PTPRG: variants seen among roughly 807,000 people sequenced by gnomAD.
The protein encoded by PTPRG is receptor-type tyrosine-protein phosphatase gamma.
A neutral mutation model predicts 165.3 loss-of-function variants in PTPRG; 102 were observed. That is an observed-to-expected ratio of 0.62 (90% confidence interval 0.53 to 0.73). The LOEUF (loss-of-function observed/expected upper bound fraction) is 0.73, where lower values mean the gene tolerates loss of function less well. Ranked by LOEUF, PTPRG falls within the 30% of genes least tolerant of loss-of-function variation. PTPRG has a pLI of 0.00. For missense variants in PTPRG, 1,866 were observed against 1,861.4 expected (o/e 1.00, Z -0.05); for synonymous variants, 675 against 669.5 (o/e 1.01, Z -0.13).
intron 6 of PTPRG, among the ~76,000 whole-genome samples, chr3:62,139,562 C>T (rs138486346): frequency 6.6e-6 from 1 of 152,190 alleles, no homozygotes; most frequent in African/African-American, 2.4e-5. Flanking sequence ...TCTTCCCTTC[C>T]CTGGCTCTTC....
At chr3:62,140,938 ATCTT>A (rs1231579000) in intron 6 of PTPRG, among the ~76,000 whole-genome samples, 1 of 151,964 alleles carries the variant, frequency 6.6e-6, no homozygotes, top group Non-Finnish European at 1.5e-5. Flanking sequence ...GGTAATAAAA[ATCTT>A]TCTCTATCTT....
Position 62,180,325 on chromosome 3 carries a change from A to G in PTPRG, c.1034-11144A>G, listed in dbSNP as rs117574795. ...ATTTTAGGTGACCCGCTGTTTCTTC[A>G]TAGTAAAGGGGACTACAACATTGTC... On this transcript the variant is annotated intron_variant, in intron 8 of 29. Coordinates refer to ENST00000474889, the MANE Select transcript of PTPRG (RefSeq NM_002841.4). Among the ~76,000 whole-genome samples the G allele has an allele frequency of 1.4e-4, 21 of 152,272 alleles. No homozygotes were observed. In the East Asian group the frequency reaches 3.9e-3, roughly 28 times the overall value.
At chr3:61,825,281 A>G (rs555672621) in intron 2 of PTPRG, among the ~76,000 whole-genome samples, 2 of 152,308 alleles carry the variant, frequency 1.3e-5, no homozygotes, top group East Asian at 1.9e-4. Context: ...CCCATGTTTT[A>G]TTTTAAAGAC....
intron 4 of PTPRG, among the ~76,000 whole-genome samples, chr3:62,068,464 C>G (rs961518952): frequency 1.3e-5 from 2 of 152,016 alleles, no homozygotes. Flanking sequence ...CGGCCCTACT[C>G]TGTTTTGGTT....
intron 4 of PTPRG, among the ~76,000 whole-genome samples, chr3:62,046,134 C>T (rs960730510): frequency 1.3e-5 from 2 of 152,190 alleles, no homozygotes; most frequent in African/African-American, 2.4e-5. Context: ...CTAGGGCACC[C>T]TCTCCCCACT....
chr3:61,893,740 A>T (rs2038277969), intron 2 of PTPRG, among the ~76,000 whole-genome samples: 1 of 152,166 alleles, frequency 6.6e-6, no homozygotes, highest in South Asian at 2.1e-4. Flanking sequence ...AGTGGTGTAT[A>T]ATAAATATTT....
chr3:61,572,143 C>T (rs1379955327), intron 1 of PTPRG, among the ~76,000 whole-genome samples: 1 of 152,182 alleles, frequency 6.6e-6, no homozygotes, highest in Non-Finnish European at 1.5e-5. Flanking sequence ...GAGAACCCTT[C>T]CATTATCTTG....
chr3:62,265,414 T>C (rs1701832001), intron 17 of PTPRG, among the ~76,000 whole-genome samples: 2 of 152,188 alleles, frequency 1.3e-5, no homozygotes, highest in African/African-American at 2.4e-5. Flanking sequence ...TTAGTTTTAT[T>C]TTTGGATTGC....
At chr3:61,637,369 C>T (rs1460539850) in intron 1 of PTPRG, among the ~76,000 whole-genome samples, 7 of 152,046 alleles carry the variant, frequency 4.6e-5, no homozygotes, top group African/African-American at 1.2e-4. Flanking sequence ...CTGGATAATG[C>T]GGATAGTAGA....
At chr3:62,208,074 G>T (rs1227614379) in intron 12 of PTPRG, among the ~76,000 whole-genome samples, 2 of 152,048 alleles carry the variant, frequency 1.3e-5, no homozygotes, top group Admixed American at 1.3e-4. Context: ...CCCATCCCTG[G>T]GCCAGGTAGG....
chr3:61,758,092 G>A (rs1016561563), intron 2 of PTPRG, among the ~76,000 whole-genome samples: 1 of 152,086 alleles, frequency 6.6e-6, no homozygotes, highest in African/African-American at 2.4e-5. Context: ...TTGAGACAAG[G>A]TCTCACTCTG....
chr3:61,871,498 C>G (rs960458188), intron 2 of PTPRG, among the ~76,000 whole-genome samples: 1 of 152,196 alleles, frequency 6.6e-6, no homozygotes, highest in Admixed American at 6.5e-5. Flanking sequence ...GCTACCACAC[C>G]CGGCCCCTTT....
chr3:62,062,442 G>T lies in PTPRG; in HGVS notation c.520-15721G>T, dbSNP rs1367488076. ...AAAATTCTTTCAGCTTTGCTCGTAT[G>T]CTTAATGCTTTTAGTTAATAAAATG... On this transcript the variant is annotated intron_variant, in intron 4 of 29. Transcript: ENST00000474889. 1.3e-5 allele frequency among the ~76,000 whole-genome samples: 2 copies of T among 152,112 alleles called. 1 individual carries two copies. The highest frequency in any genetic ancestry group is 4.1e-4 in the South Asian group (2 of 4,822).
chr3:61,736,337 G>A (rs1321850201), intron 1 of PTPRG, among the ~76,000 whole-genome samples: 1 of 151,610 alleles, frequency 6.6e-6, no homozygotes. Flanking sequence ...ATTATCAAGG[G>A]TGTAATTTTA....
intron 1 of PTPRG, among the ~76,000 whole-genome samples, chr3:61,580,014 GA>G (rs368935963): frequency 6.6e-6 from 1 of 151,720 alleles, no homozygotes; most frequent in Non-Finnish European, 1.5e-5. Context: ...GAGAAATATT[GA>G]AAAAAATAAA....
intron 1 of PTPRG, among the ~76,000 whole-genome samples, chr3:61,658,137 AG>A (rs1702559859): frequency 6.6e-6 from 1 of 152,196 alleles, no homozygotes; most frequent in South Asian, 2.1e-4. Flanking sequence ...TGTACTGTTC[AG>A]GTCATTGTTC....
In PTPRG at chr3:61,748,960, C is replaced by T. The variant is rs150368253; in HGVS notation, c.168C>T (p.Gly56=). The T allele has an allele frequency of 1.2e-5, 19 of 1,610,926 alleles. No individual in the cohort carries two copies. The African/African-American group carries it at 1.6e-4, about 14-fold the overall frequency. The change falls in exon 2 of 30, where the codon GGC becomes GGT. Residue 56 remains glycine (G), a synonymous_variant. Coordinates refer to ENST00000474889, the MANE Select transcript of PTPRG (RefSeq NM_002841.4). The stretch of plus-strand genomic sequence containing the variant: ...AGATCCGCAGGCGCAAGGCTTCAGG[C>T]GACCCGTACTGGGCCTACTCTGGTA... ...AVQIRRRKAS[G]DPYWAYSGAY...
chr3:61,890,768 A>G (rs2038192053), intron 2 of PTPRG, among the ~76,000 whole-genome samples: 2 of 152,140 alleles, frequency 1.3e-5, no homozygotes, highest in African/African-American at 4.8e-5. Context: ...AGTGCTTGTC[A>G]TTTGAGAGCA....
intron 1 of PTPRG, among the ~76,000 whole-genome samples, chr3:61,652,953 G>A (rs1464283494): frequency 1.3e-5 from 2 of 152,206 alleles, no homozygotes; most frequent in Non-Finnish European, 2.9e-5. Flanking sequence ...GTATCAAAAT[G>A]CTATGGAGTG....
Sources: allele counts gnomAD v4.1 joint callset (sites outside exome capture counted in the v4.1 genomes callset), GRCh38; gene constraint gnomAD v4.1.1; transcripts MANE v1.5; gene names NCBI Gene and HGNC (gene_info 2026-07-23, HGNC 2026-07-21).